Variants in RAD51B observed in about 807,000 individuals in gnomAD.
The protein encoded by RAD51B is RAD51 paralog B.
A neutral mutation model predicts 42.2 loss-of-function variants in RAD51B; 38 were observed. The observed-to-expected ratio is 0.90, with a 90% confidence interval of 0.70 to 1.18. The LOEUF (loss-of-function observed/expected upper bound fraction) is 1.18. Among genes scored for constraint, RAD51B ranks in the 50% most tolerant of loss-of-function variants. RAD51B has a pLI of 0.00. For synonymous variants in RAD51B, 154 were observed against 145.2 expected (o/e 1.06, Z -0.43); for missense variants, 373 against 400.7 (o/e 0.93, Z 0.59).
chr14:68,091,146 G>T (rs947207079), intron 7 of RAD51B, among the ~76,000 whole-genome samples: 4 of 152,082 alleles, frequency 2.6e-5, no homozygotes, highest in East Asian at 1.9e-4. Flanking sequence ...ATTGTGAATA[G>T]TGCCGCAATA....
At chr14:68,466,071 T>C (rs1392006181) in intron 9 of RAD51B, among the ~76,000 whole-genome samples, 1 of 152,172 alleles carries the variant, frequency 6.6e-6, no homozygotes, top group Non-Finnish European at 1.5e-5. Flanking sequence ...ATTTTTGACA[T>C]GAAAGTGTAA....
chr14:67,883,034 C>T (rs1007006443), intron 5 of RAD51B, among the ~76,000 whole-genome samples: 12 of 152,310 alleles, frequency 7.9e-5, no homozygotes, highest in East Asian at 1.9e-4. Context: ...CGTGAGCCAC[C>T]GTGCCCGGCC....
chr14:68,488,859 T>A (rs1883848012), intron 10 of RAD51B, among the ~76,000 whole-genome samples: 1 of 152,264 alleles, frequency 6.6e-6, no homozygotes, highest in Non-Finnish European at 1.5e-5. Flanking sequence ...AATTGTTATC[T>A]TGTGGGATGC....
At chr14:68,622,819 G>A (rs1891983410) in intron 10 of RAD51B, among the ~76,000 whole-genome samples, 1 of 151,788 alleles carries the variant, frequency 6.6e-6, no homozygotes. Flanking sequence ...TTTTAGAGGT[G>A]TTTATGCTGG....
intron 7 of RAD51B, among the ~76,000 whole-genome samples, chr14:67,927,729 G>GTGTA (rs2140148973): frequency 6.8e-6 from 1 of 146,368 alleles, no homozygotes; most frequent in African/African-American, 2.7e-5. Flanking sequence ...GTGTGTGTGT[G>GTGTA]TATTATATAA....
At chr14:67,913,987 A>AT (rs553886634) in intron 7 of RAD51B, among the ~76,000 whole-genome samples, 26,292 of 144,834 alleles carry the variant, frequency 0.18, 2,494 homozygotes, top group Middle Eastern at 0.36. Context: ...CATGAGTTCA[A>AT]TTTTTTTTTT....
chr14:68,211,715 G>A (rs952083842), intron 7 of RAD51B, among the ~76,000 whole-genome samples: 7 of 152,184 alleles, frequency 4.6e-5, no homozygotes, highest in Non-Finnish European at 1.5e-5. Context: ...TGGCCTAGAC[G>A]TAAGTAATGC....
intron 7 of RAD51B, among the ~76,000 whole-genome samples, chr14:68,123,789 C>G (rs1343102902): frequency 6.6e-6 from 1 of 152,176 alleles, no homozygotes; most frequent in Admixed American, 6.5e-5. Context: ...GTCTGGGCAA[C>G]AGAGTGAGAC....
intron 7 of RAD51B, among the ~76,000 whole-genome samples, chr14:68,199,508 T>C (rs532533491): frequency 7.2e-5 from 11 of 152,212 alleles, no homozygotes; most frequent in South Asian, 6.2e-4. Flanking sequence ...ACCAATCTTC[T>C]AGTCAGTCTT....
intron 9 of RAD51B, among the ~76,000 whole-genome samples, chr14:68,427,934 C>A (rs2084893468): frequency 6.6e-6 from 1 of 152,144 alleles, no homozygotes; most frequent in Admixed American, 6.5e-5. Context: ...TTGATTTAGG[C>A]CATAAGAGCT....
intron 9 of RAD51B, among the ~76,000 whole-genome samples, chr14:68,461,336 GAAAAAAAA>G (rs60250666): frequency 7.9e-6 from 1 of 126,532 alleles, no homozygotes; most frequent in African/African-American, 3.0e-5. Flanking sequence ...TCCATGCAGG[GAAAAAAAA>G]AAAAAAAAAA....
chr14:67,914,652 A>G (rs2044092371), intron 7 of RAD51B, among the ~76,000 whole-genome samples: 1 of 152,192 alleles, frequency 6.6e-6, no homozygotes, highest in Non-Finnish European at 1.5e-5. Context: ...AGAGGAAGAC[A>G]CTCATGTTTT....
chr14:67,926,073 AT>A (rs1288619213), intron 7 of RAD51B, among the ~76,000 whole-genome samples: 1 of 152,000 alleles, frequency 6.6e-6, no homozygotes, highest in East Asian at 1.9e-4. Flanking sequence ...CCTTAGAGAC[AT>A]TTTTTCCATT....
intron 7 of RAD51B, among the ~76,000 whole-genome samples, chr14:67,964,082 T>C (rs2074721134): frequency 6.6e-6 from 1 of 152,038 alleles, no homozygotes; most frequent in Non-Finnish European, 1.5e-5. Flanking sequence ...CACATAAATA[T>C]ATATACATAT....
chr14:67,933,468 G>C (rs1291073848), intron 7 of RAD51B, among the ~76,000 whole-genome samples: 1 of 152,128 alleles, frequency 6.6e-6, no homozygotes, highest in Admixed American at 6.5e-5. Context: ...TTCCTTGTCT[G>C]GTGCAATGCC....
rs118031604 is a variant in RAD51B, at chr14:68,644,447, C to T, written c.1037-6334C>T. On this transcript the variant is annotated intron_variant, in intron 10 of 11. Transcript: ENST00000488612. Reference sequence around the variant, plus strand: ...TCAGTGGCTTTCAAGCCCCCTGAGGCACACAGGACTTGGTAAGACCATCTA... The same window carrying T: ...TCAGTGGCTTTCAAGCCCCCTGAGGTACACAGGACTTGGTAAGACCATCTA... Among the ~76,000 whole-genome samples, 751 of 152,320 alleles carry T rather than the reference C, an allele frequency of 4.9e-3. 8 individuals are homozygous for T. Among genetic ancestry groups the T allele is most frequent in the Non-Finnish European group, 6.3e-3 (427 of 68,026 alleles).
intron 7 of RAD51B, among the ~76,000 whole-genome samples, chr14:68,016,884 A>G (rs1471074812): frequency 6.6e-6 from 1 of 152,266 alleles, no homozygotes; most frequent in African/African-American, 2.4e-5. Flanking sequence ...TGAAGACTTT[A>G]TAACAACAAG....
intron 7 of RAD51B, among the ~76,000 whole-genome samples, chr14:68,085,895 T>C (rs2076975545): frequency 6.6e-6 from 1 of 152,196 alleles, no homozygotes; most frequent in Admixed American, 6.5e-5. Context: ...GGGCAGGCTG[T>C]AGGGCTCTGA....
rs547372900 is a variant in RAD51B at position 67,973,670 on chromosome 14, T to G, written c.756+86466T>G. 2.2e-4 allele frequency among the ~76,000 whole-genome samples: 34 copies of G among 152,272 alleles called. 1 individual carries two copies. The highest frequency in any genetic ancestry group is 8.2e-4 in the African/African-American group (34 of 41,566). ...TTTTAGTCATCCTGGGTGGCAGCTGTTCTGAGTAAATGCCCACAAACATTT... is the reference window on the plus strand; with the variant it reads ...TTTTAGTCATCCTGGGTGGCAGCTGGTCTGAGTAAATGCCCACAAACATTT... On this transcript the variant is annotated intron_variant, in intron 7 of 10. Transcript: ENST00000471583.
Sources: allele counts gnomAD v4.1 joint callset (sites outside exome capture counted in the v4.1 genomes callset), GRCh38; gene constraint gnomAD v4.1.1; transcripts MANE v1.5; gene names NCBI Gene and HGNC (gene_info 2026-07-23, HGNC 2026-07-21).